MGAM2: variants seen among roughly 807,000 people sequenced by gnomAD.
MGAM2 encodes the protein maltase-glucoamylase 2 (putative), also known as probable maltase-glucoamylase 2.
MGAM2 carries 98 observed loss-of-function variants against 96.1 expected under a neutral mutation model. The observed-to-expected ratio is 1.02, with a 90% confidence interval of 0.87 to 1.21. The LOEUF (loss-of-function observed/expected upper bound fraction) is 1.21. Ranked by LOEUF, MGAM2 falls within the 50% of genes most tolerant of loss-of-function variation. The pLI is 0.00. For missense variants in MGAM2, 2,055 were observed against 1,182.4 expected (o/e 1.74, Z -10.82); for synonymous variants, 749 against 414.8 (o/e 1.81, Z -9.79).
In MGAM2 at chr7:142,220,972, C is replaced by T; in HGVS notation, c.6461C>T (p.Thr2154Ile). The T allele has an allele frequency of 1.4e-6, 1 of 701,998 alleles. No individual in the cohort carries two copies. Among genetic ancestry groups the T allele is most frequent in the Non-Finnish European group, 2.6e-6 (1 of 384,680 alleles). 43.5% of individuals were successfully genotyped at this position (701,998 alleles called of 1,614,324 possible). A position where few individuals can be genotyped will look rare whatever the true frequency, so the allele number is the denominator to read the frequency against. Reference sequence around the variant, plus strand: ...CAAACAAATACTACTAATGCTAGCACTAGTACTAATGTTGCTAATATAACT... The same window carrying T: ...CAAACAAATACTACTAATGCTAGCATTAGTACTAATGTTGCTAATATAACT... ...PVQTNTTNAS[T>I]STNVANITAT... The change falls in exon 48 of 48, where the codon ACT (threonine) becomes ATT (isoleucine). Residue 2154 changes from threonine to isoleucine, a missense_variant. Transcript: ENST00000477922.
intron 33 of MGAM2, among the ~76,000 whole-genome samples, chr7:142,184,821 C>T (rs1167005461): frequency 6.6e-6 from 1 of 152,094 alleles, no homozygotes; most frequent in Admixed American, 6.6e-5. Flanking sequence ...GTTGGTTGTT[C>T]AGAGGATATG....
intron 44 of MGAM2, 27 bp downstream of exon 44, chr7:142,198,766 G>A (rs937787051): frequency 1.4e-6 from 1 of 700,418 alleles, no homozygotes; most frequent in African/African-American, 1.7e-5. Flanking sequence ...ATGTCTAACA[G>A]CCTCTTGCTA....
At chr7:142,174,460 G>A (rs980005084) in intron 31 of MGAM2, among the ~76,000 whole-genome samples, 13 of 152,016 alleles carry the variant, frequency 8.6e-5, no homozygotes, top group Non-Finnish European at 1.6e-4. Flanking sequence ...TTTGTGGTTT[G>A]GCTCTAGGCT....
At chr7:142,151,953 A>G (rs1027510010) in intron 15 of MGAM2, among the ~76,000 whole-genome samples, 3 of 152,224 alleles carry the variant, frequency 2.0e-5, no homozygotes, top group Non-Finnish European at 4.4e-5. Context: ...TTGGTCTGAT[A>G]AATATTTGGC....
chr7:142,121,034 A>G (rs1247295535), intron 3 of MGAM2, among the ~76,000 whole-genome samples: 2 of 152,190 alleles, frequency 1.3e-5, no homozygotes, highest in African/African-American at 2.4e-5. Context: ...TAAATTCTAT[A>G]TCTTCTTGAG....
At chr7:142,119,108 G>A (rs1794473419) in intron 2 of MGAM2, among the ~76,000 whole-genome samples, 1 of 152,072 alleles carries the variant, frequency 6.6e-6, no homozygotes, top group African/African-American at 2.4e-5. Context: ...TGTATCCGAT[G>A]TTAGGCCCTT....
chr7:142,183,793 A>T (rs769831750), intron 33 of MGAM2, among the ~76,000 whole-genome samples: 142 of 151,820 alleles, frequency 9.4e-4, no homozygotes, highest in Admixed American at 2.2e-3. Context: ...GTTTCCTTTA[A>T]TTCGTCTTTA....
chr7:142,191,856 T>C (rs1163250352), intron 37 of MGAM2, among the ~76,000 whole-genome samples: 1 of 152,184 alleles, frequency 6.6e-6, no homozygotes, highest in Non-Finnish European at 1.5e-5. Context: ...TAGCATGAGG[T>C]GTCTTTCCAC....
chr7:142,117,942 T>C (rs1817471885), intron 2 of MGAM2, among the ~76,000 whole-genome samples: 1 of 150,210 alleles, frequency 6.7e-6, no homozygotes. Flanking sequence ...TTTTTTTTTC[T>C]TCTGTTTTTT....
intron 16 of MGAM2, 51 bp downstream of exon 16, chr7:142,154,240 CTTT>C: frequency 1.9e-6 from 1 of 535,518 alleles, no homozygotes. Context: ...TGTTGACATT[CTTT>C]TAATTAGCAG....
chr7:142,217,272 G>C (rs895365607), intron 46 of MGAM2, among the ~76,000 whole-genome samples: 6 of 152,132 alleles, frequency 3.9e-5, no homozygotes, highest in African/African-American at 7.2e-5. Flanking sequence ...ACTGTCCTCA[G>C]TCTAGGGACT....
At chr7:142,129,560 C>G (rs1794824423) in intron 3 of MGAM2, among the ~76,000 whole-genome samples, 1 of 151,952 alleles carries the variant, frequency 6.6e-6, no homozygotes, top group Admixed American at 6.6e-5. Context: ...CGCGGTGGCT[C>G]ATGCCTGTAA....
chr7:142,206,333 G>A (rs1797399595), intron 45 of MGAM2, among the ~76,000 whole-genome samples: 2 of 152,010 alleles, frequency 1.3e-5, no homozygotes, highest in Non-Finnish European at 2.9e-5. Context: ...GTGGTGGCTG[G>A]GCTGGTTATT....
intron 46 of MGAM2, among the ~76,000 whole-genome samples, chr7:142,209,212 A>G (rs1321199372): frequency 6.6e-6 from 1 of 152,188 alleles, no homozygotes; most frequent in Non-Finnish European, 1.5e-5. Flanking sequence ...CGGCTTCTTC[A>G]TAATTATGGA....
chr7:142,210,143 A>G (rs1296296089), intron 46 of MGAM2, among the ~76,000 whole-genome samples: 1 of 152,152 alleles, frequency 6.6e-6, no homozygotes, highest in East Asian at 1.9e-4. Flanking sequence ...GGAAGCCACG[A>G]GGGACAGTGC....
chr7:142,176,793 A>G (rs1337884312), intron 32 of MGAM2, among the ~76,000 whole-genome samples: 1 of 152,172 alleles, frequency 6.6e-6, no homozygotes, highest in African/African-American at 2.4e-5. Context: ...AGTCTTATCA[A>G]TCTGGTTTAT....
intron 37 of MGAM2, among the ~76,000 whole-genome samples, chr7:142,193,141 T>C (rs1796925051): frequency 6.6e-6 from 1 of 152,200 alleles, no homozygotes; most frequent in Non-Finnish European, 1.5e-5. Flanking sequence ...ATGATATATA[T>C]ATTTTTTAAT....
chr7:142,164,554 T>G (rs1430469790), intron 23 of MGAM2, among the ~76,000 whole-genome samples: 1 of 152,194 alleles, frequency 6.6e-6, no homozygotes, highest in East Asian at 1.9e-4. Flanking sequence ...ATCTTTTTGT[T>G]TACTGTGTGA....
chr7:142,175,822 A>G (rs779102300), intron 32 of MGAM2, 42 bp downstream of exon 32: 2 of 693,032 alleles, frequency 2.9e-6, no homozygotes, highest in Non-Finnish European at 5.3e-6. Flanking sequence ...CTGTTTCCAT[A>G]TTCATGGTTC....
Sources: allele counts gnomAD v4.1 joint callset (sites outside exome capture counted in the v4.1 genomes callset), GRCh38; gene constraint gnomAD v4.1.1; transcripts MANE v1.5; gene names NCBI Gene and HGNC (gene_info 2026-07-23, HGNC 2026-07-21).